Variants in HMCN1 observed in about 807,000 individuals in gnomAD.
The protein encoded by HMCN1 is hemicentin-1.
In HMCN1, 321 loss-of-function variants were observed where a neutral mutation model predicts 625.9. The ratio of observed to expected loss-of-function variants is 0.51; its 90% CI spans 0.47 to 0.56. HMCN1 has a LOEUF of 0.56. HMCN1 is among the 20% of genes least tolerant of loss of function. The pLI, the probability that HMCN1 is intolerant of heterozygous loss-of-function variation, is 0.00. For missense variants in HMCN1, 6,588 were observed against 6,887.3 expected (o/e 0.96, Z 1.54); for synonymous variants, 2,425 against 2,417.6 (o/e 1.00, Z -0.09).
At chr1:185,760,985 A>G (rs1242213003) in intron 1 of HMCN1, among the ~76,000 whole-genome samples, 1 of 152,174 alleles carries the variant, frequency 6.6e-6, no homozygotes, top group Admixed American at 6.6e-5. Context: ...TGTAATCATT[A>G]TATTCTCTTA....
intron 11 of HMCN1, among the ~76,000 whole-genome samples, chr1:185,954,939 C>T (rs1649517212): frequency 6.6e-6 from 1 of 152,058 alleles, no homozygotes; most frequent in Non-Finnish European, 1.5e-5. Flanking sequence ...TGATAGGGAT[C>T]AGTGTAAATG....
rs1409585686 is a variant in HMCN1, at chr1:185,734,610, C to A, written c.-170C>A. 3 of 669,422 alleles carry A rather than the reference C, an allele frequency of 4.5e-6. No homozygotes were observed. Among genetic ancestry groups the A allele is most frequent in the African/African-American group, 3.6e-5 (2 of 55,904 alleles). The allele number at this position is 669,422 out of a possible 1,614,324, so 41.5% of individuals were successfully genotyped here. Reference sequence around the variant, plus strand: ...GCCCTGCCCAACCCCTGGAGGGATTCGAGTTTGGTGCTTGTCCCCGTCTGA... The same window carrying A: ...GCCCTGCCCAACCCCTGGAGGGATTAGAGTTTGGTGCTTGTCCCCGTCTGA... On this transcript the variant is annotated 5_prime_UTR_variant, in exon 1 of 107. Transcript: ENST00000271588.
At chr1:185,986,134 G>T (rs990536939) in intron 19 of HMCN1, among the ~76,000 whole-genome samples, 2 of 152,110 alleles carry the variant, frequency 1.3e-5, no homozygotes, top group Admixed American at 6.6e-5. Context: ...GAGTAGCCTG[G>T]CATTGTTGTT....
At chr1:186,151,125 C>A in intron 93 of HMCN1, 75 bp from the exon 94 acceptor site, 1 of 1,424,052 alleles carries the variant, frequency 7.0e-7, no homozygotes, top group Non-Finnish European at 9.9e-7. Context: ...TCTCTGAATA[C>A]TGGCCCTCTT....
At chr1:186,046,299 T>C (rs1656568311) in intron 41 of HMCN1, among the ~76,000 whole-genome samples, 1 of 152,076 alleles carries the variant, frequency 6.6e-6, no homozygotes, top group African/African-American at 2.4e-5. Flanking sequence ...TGAAACCCTG[T>C]CTCTACTAAA....
chr1:186,154,101 G>GACA (rs1206571097), intron 97 of HMCN1, 114 bp downstream of exon 97: 1 of 865,108 alleles, frequency 1.2e-6, no homozygotes, highest in Admixed American at 2.0e-5. Context: ...TTTTTCATGT[G>GACA]TGTTGTCTAT....
chr1:185,923,754 C>T, intron 8 of HMCN1, 101 bp downstream of exon 8: 8 of 971,080 alleles, frequency 8.2e-6, no homozygotes, highest in Non-Finnish European at 1.3e-5. Flanking sequence ...ATAATGTCTT[C>T]ATATTATTAC....
chr1:185,806,268 G>C (rs1659161472), intron 1 of HMCN1, among the ~76,000 whole-genome samples: 1 of 152,046 alleles, frequency 6.6e-6, no homozygotes, highest in Admixed American at 6.6e-5. Flanking sequence ...TGGGATTCAA[G>C]CACACTCAGA....
At chr1:186,007,685 G>T (rs931042065) in intron 30 of HMCN1, among the ~76,000 whole-genome samples, 2 of 152,066 alleles carry the variant, frequency 1.3e-5, no homozygotes, top group Non-Finnish European at 2.9e-5. Flanking sequence ...ATTCCATCGT[G>T]GCCGTTATCC....
Position 185,783,915 on chromosome 1 carries a change from CTT to C in HMCN1, c.268+48871_268+48872del, listed in dbSNP as rs552607372. 9.0e-3 allele frequency among the ~76,000 whole-genome samples: 1,365 copies of C among 152,310 alleles called. 31 individuals are homozygous for C. Among genetic ancestry groups the C allele is most frequent in the African/African-American group, 0.032 (1,319 of 41,564 alleles). ...TTAAGTCTGCAGAGGTTTCTGCTGT[CTT>C]TTGTTCAGCTATGCCCTGCCCCCAG... On this transcript the variant is annotated intron_variant, in intron 1 of 106. Coordinates refer to ENST00000271588, the MANE Select transcript of HMCN1 (RefSeq NM_031935.3).
intron 72 of HMCN1, among the ~76,000 whole-genome samples, 184 bp downstream of exon 72, chr1:186,113,137 A>G (rs567667676): frequency 2.8e-4 from 43 of 152,362 alleles, no homozygotes; most frequent in Non-Finnish European, 4.4e-4. Flanking sequence ...TCCAAAAAAC[A>G]TAACTAGAGA....
At position 186,081,452 on chromosome 1, in the gene HMCN1, A is replaced by G. The variant is rs1026654712; in HGVS notation, c.8787+58A>G. ...GCTATTTGACTTTGCACTTTGTAAT[A>G]ATTGTTTTTGACTTTTAAAAATAAT... On this transcript the variant is annotated intron_variant, in intron 56 of 106. Coordinates refer to ENST00000271588, the MANE Select transcript of HMCN1 (RefSeq NM_031935.3). 18 of 1,275,072 alleles carry G rather than the reference A, an allele frequency of 1.4e-5. No individual in the cohort carries two copies. In the South Asian group the frequency reaches 1.6e-4, roughly 12 times the overall value. The allele number at this position is 1,275,072 out of a possible 1,614,324, so 79.0% of individuals were successfully genotyped here.
At chr1:186,101,039 C>T (rs1299790822) in intron 68 of HMCN1, among the ~76,000 whole-genome samples, 3 of 152,092 alleles carry the variant, frequency 2.0e-5, no homozygotes, top group East Asian at 1.9e-4. Context: ...CCATCCACTC[C>T]ATCTACTCTC....
intron 1 of HMCN1, among the ~76,000 whole-genome samples, chr1:185,799,523 A>C (rs1156588328): frequency 6.6e-6 from 1 of 152,094 alleles, no homozygotes; most frequent in South Asian, 2.1e-4. Flanking sequence ...GTGGGGGCAA[A>C]AGTGCAAGAA....
rs886045667 is a variant in HMCN1 at position 185,982,348 on chromosome 1, A to C, written c.2749A>C (p.Asn917His). ...TTTGCCCTGTACTCTGTTAGCTGGAAATCCCATTCCAGAACGTCGGTGGAT... is the reference window on the plus strand; with the variant it reads ...TTTGCCCTGTACTCTGTTAGCTGGACATCCCATTCCAGAACGTCGGTGGAT... ...LTLPCTLLAG[N>H]PIPERRWIKN... Residue 917 changes from asparagine (N) to histidine (H), a missense_variant, in exon 18 of 107, where the codon AAT becomes CAT. This residue lies in a region of HMCN1 where 4,628 missense variants were observed against 4,853.1 expected (regional missense o/e 0.95). Coordinates refer to ENST00000271588, the MANE Select transcript of HMCN1 (RefSeq NM_031935.3). 1.2e-6 allele frequency: 2 copies of C among 1,613,778 alleles called. No homozygotes were observed. Among genetic ancestry groups the C allele is most frequent in the Non-Finnish European group, 1.7e-6 (2 of 1,179,724 alleles).
rs143020055 is a variant in HMCN1, at chr1:185,734,629, C to G, written c.-151C>G. 4.1e-6 allele frequency: 3 copies of G among 733,240 alleles called. No individual in the cohort carries two copies. The highest frequency in any genetic ancestry group is 1.6e-5 in the South Asian group (1 of 62,524). The allele number at this position is 733,240 out of a possible 1,614,324, so 45.4% of individuals were successfully genotyped here. ...GGGATTCGAGTTTGGTGCTTGTCCC[C>G]GTCTGATTCTCAGCGCCAAACTTTT... On this transcript the variant is annotated 5_prime_UTR_variant, in exon 1 of 107. Transcript: ENST00000271588.
At chr1:185,870,870 T>C (rs897041247) in intron 4 of HMCN1, among the ~76,000 whole-genome samples, 2 of 152,164 alleles carry the variant, frequency 1.3e-5, no homozygotes. Context: ...CCTTCGTATT[T>C]CCTGGTGCCT....
Position 186,048,951 on chromosome 1 carries a change from A to G in HMCN1, c.6577+112A>G. 12 of 709,584 alleles carry G rather than the reference A, an allele frequency of 1.7e-5. 1 individual carries two copies. In the South Asian group the frequency reaches 1.8e-4, roughly 10 times the overall value. 44.0% of individuals were successfully genotyped at this position (709,584 alleles called of 1,614,324 possible). A position where few individuals can be genotyped will look rare whatever the true frequency, so the allele number is the denominator to read the frequency against. On this transcript the variant is annotated intron_variant, in intron 42 of 106. Coordinates refer to ENST00000271588, the MANE Select transcript of HMCN1 (RefSeq NM_031935.3). ...TGATTATAATAGGTAGATGAACAAC[A>G]ATTAGTACATTTACATGGTGCTGAA...
rs376132810 is a variant in HMCN1 at position 185,993,234 on chromosome 1, G to A, written c.3430G>A (p.Asp1144Asn). ...SMKITETRTS[D>N]SGMYLCVATN... The stretch of plus-strand genomic sequence containing the variant: ...GAAGATCACTGAAACCCGCACTTCA[G>A]ATAGTGGGATGTATCTTTGTGTTGC... Residue 1144 changes from aspartate (D) to asparagine (N), a missense_variant, in exon 23 of 107, where the codon GAT becomes AAT. By Grantham distance (23) the Asp-to-Asn change is conservative. Coordinates refer to ENST00000271588, the MANE Select transcript of HMCN1 (RefSeq NM_031935.3). 6.2e-7 allele frequency: 1 copy of A among 1,612,904 alleles called. No individual in the cohort carries two copies. The highest frequency in any genetic ancestry group is 1.3e-5 in the African/African-American group (1 of 74,888).
Sources: gnomAD v4.1 joint callset for allele counts (sites outside exome capture counted in the v4.1 genomes callset) on GRCh38, gnomAD v4.1.1 for gene constraint, gnomAD v4.1.1 regional missense constraint, MANE v1.5 for transcripts, NCBI Gene and HGNC (gene_info 2026-07-23, HGNC 2026-07-21) for gene names.